Variants in COLGALT2 observed in about 807,000 individuals in gnomAD.
The protein encoded by COLGALT2 is collagen beta(1-O)galactosyltransferase 2, also known as procollagen galactosyltransferase 2.
In COLGALT2, 49 loss-of-function variants were observed where a neutral mutation model predicts 73.4. The observed-to-expected ratio is 0.67, with a 90% CI of 0.53 to 0.85. COLGALT2 has a LOEUF of 0.85. Ranked by LOEUF, COLGALT2 falls within the 40% of genes least tolerant of loss-of-function variation. COLGALT2 has a pLI of 0.00. For synonymous variants in COLGALT2, 295 were observed against 307.6 expected (o/e 0.96, Z 0.43); for missense variants, 722 against 790.2 (o/e 0.91, Z 1.03).
intron 1 of COLGALT2, among the ~76,000 whole-genome samples, chr1:184,010,518 G>A (rs1672206111): frequency 6.6e-6 from 1 of 152,202 alleles, no homozygotes; most frequent in Non-Finnish European, 1.5e-5. Context: ...AGACATCATG[G>A]TGATTTAGAG....
chr1:183,929,893 G>A (rs1409708766), exon 12 of COLGALT2: 2 of 181,600 alleles, frequency 1.1e-5, no homozygotes, highest in African/African-American at 2.4e-5. Context: ...TTTCTTTCAC[G>A]GGACAGTGTA....
At position 183,945,445 on chromosome 1, in the gene COLGALT2, G is replaced by C; in HGVS notation, c.1256C>G (p.Ser419Ter). The C allele has an allele frequency of 6.2e-7, 1 of 1,614,152 alleles. No homozygotes were observed. Among genetic ancestry groups the C allele is most frequent in the Non-Finnish European group, 8.5e-7 (1 of 1,180,022 alleles). ...AGCATTATTTACCTCTTTCCAGACTGAGTAGTGGCTGAGAAAGCAGCCGAT... is the reference window on the plus strand; with the variant it reads ...AGCATTATTTACCTCTTTCCAGACTCAGTAGTGGCTGAGAAAGCAGCCGAT... Reference protein sequence around the residue: ...GEIGCFLSHYSVWKEVIDREL... With the variant: ...GEIGCFLSHY Residue 419 changes from serine (S) to a stop codon, truncating the protein, a stop_gained, in exon 9 of 12, where the codon TCA becomes TGA. Coordinates refer to ENST00000361927, the MANE Select transcript of COLGALT2 (RefSeq NM_015101.4). LOFTEE classifies it high-confidence loss of function.
chr1:183,961,943 TC>T lies in COLGALT2; in HGVS notation c.952+1957del, dbSNP rs370289096. On this transcript the variant is annotated intron_variant, in intron 6 of 11. Coordinates refer to ENST00000361927, the MANE Select transcript of COLGALT2 (RefSeq NM_015101.4). The stretch of plus-strand genomic sequence containing the variant: ...CACAGTGAACCAGCTCCTTATTTCA[TC>T]ATTTCATCATCATTCATTCAGTCAT... 2.4e-3 allele frequency among the ~76,000 whole-genome samples: 361 copies of T among 152,262 alleles called. 1 individual carries two copies. The highest frequency in any genetic ancestry group is 8.4e-3 in the African/African-American group (347 of 41,542).
At chr1:184,032,474 T>C (rs1267158809) in intron 1 of COLGALT2, among the ~76,000 whole-genome samples, 1 of 152,210 alleles carries the variant, frequency 6.6e-6, no homozygotes. Flanking sequence ...TCTTAGAGGT[T>C]TACTGATGTG....
intron 5 of COLGALT2, among the ~76,000 whole-genome samples, chr1:183,966,887 A>G (rs1670890784): frequency 6.6e-6 from 1 of 152,190 alleles, no homozygotes; most frequent in Non-Finnish European, 1.5e-5. Flanking sequence ...CATCACCCAC[A>G]TGGGGCAATG....
intron 1 of COLGALT2, among the ~76,000 whole-genome samples, chr1:184,000,295 T>C (rs947706699): frequency 1.3e-5 from 2 of 152,148 alleles, no homozygotes; most frequent in East Asian, 1.9e-4. Flanking sequence ...TGGTACTTTT[T>C]TTCAATTTTT....
chr1:183,969,131 A>C, intron 5 of COLGALT2, 138 bp downstream of exon 5: 2 of 649,712 alleles, frequency 3.1e-6, no homozygotes, highest in Non-Finnish European at 4.9e-6. Flanking sequence ...GGGTGCTGGT[A>C]TGGTTATTGC....
chr1:183,975,072 C>A, intron 3 of COLGALT2, 25 bp downstream of exon 3: 1 of 1,508,760 alleles, frequency 6.6e-7, no homozygotes, highest in South Asian at 1.1e-5. Flanking sequence ...TGACAGTTGT[C>A]AAGAAATCAA....
At position 183,940,588 on chromosome 1, in the gene COLGALT2, G is replaced by A. The variant is rs775193430; in HGVS notation, c.1597C>T (p.His533Tyr). Residue 533 changes from histidine to tyrosine, a missense_variant, in exon 11 of 12, where the codon CAT (histidine) becomes TAT (tyrosine). His to Tyr is a moderately conservative substitution (Grantham distance 83). Transcript: ENST00000361927. ...DEFLPVMYNKHPVAEYKEYYE... is the reference protein window; with the variant it reads ...DEFLPVMYNKYPVAEYKEYYE... ...CAGTTCAGGGAGACTCACACGGGATGCTTGTTGTACATGACTGGCAGAAAC... is the reference window on the plus strand; with the variant it reads ...CAGTTCAGGGAGACTCACACGGGATACTTGTTGTACATGACTGGCAGAAAC... 32 of 1,614,058 alleles carry A rather than the reference G, an allele frequency of 2.0e-5. No individual in the cohort carries two copies. Among genetic ancestry groups the A allele is most frequent in the Non-Finnish European group, 2.6e-5 (31 of 1,180,014 alleles).
At chr1:184,016,797 C>A (rs1649016671) in intron 1 of COLGALT2, among the ~76,000 whole-genome samples, 1 of 152,040 alleles carries the variant, frequency 6.6e-6, no homozygotes. Context: ...ATTCAAAACT[C>A]AGAAAAATAT....
At chr1:183,959,395 A>G (rs1670636543) in intron 6 of COLGALT2, among the ~76,000 whole-genome samples, 1 of 152,150 alleles carries the variant, frequency 6.6e-6, no homozygotes, top group South Asian at 2.1e-4. Context: ...AACTTACGTG[A>G]CCAAAACTAG....
At chr1:184,020,355 GA>G (rs1572681996) in intron 1 of COLGALT2, among the ~76,000 whole-genome samples, 1 of 152,092 alleles carries the variant, frequency 6.6e-6, no homozygotes, top group East Asian at 1.9e-4. Context: ...GAATTAAAAT[GA>G]AAAAATACTA....
chr1:183,938,290 G>A lies in COLGALT2; in HGVS notation c.*471C>T. On this transcript the variant is annotated 3_prime_UTR_variant, in exon 12 of 12. Coordinates refer to ENST00000361927, the MANE Select transcript of COLGALT2 (RefSeq NM_015101.4). ...ATAAATATGATTTTAAGTGATTCCT[G>A]TCCCCCAAAAGTTGCACACACAAGT... The A allele has an allele frequency of 1.0e-6, 1 of 959,868 alleles. No individual in the cohort carries two copies. Among genetic ancestry groups the A allele is most frequent in the Non-Finnish European group, 1.2e-6 (1 of 807,684 alleles). The allele number at this position is 959,868 out of a possible 1,614,324, so 59.5% of individuals were successfully genotyped here. A position where few individuals can be genotyped will look rare whatever the true frequency, so the allele number is the denominator to read the frequency against.
intron 1 of COLGALT2, among the ~76,000 whole-genome samples, chr1:184,012,147 AC>A (rs1184650229): frequency 1.3e-5 from 2 of 152,204 alleles, no homozygotes; most frequent in Non-Finnish European, 2.9e-5. Context: ...ATGGTCCACA[AC>A]CCTGCATTTC....
chr1:183,960,836 C>T (rs1425612743), intron 6 of COLGALT2, among the ~76,000 whole-genome samples: 1 of 152,090 alleles, frequency 6.6e-6, no homozygotes, highest in Non-Finnish European at 1.5e-5. Context: ...AATCTTTCTT[C>T]TTCCAGTGTG....
chr1:183,995,420 CA>C (rs2102833785), intron 1 of COLGALT2, among the ~76,000 whole-genome samples: 1 of 152,316 alleles, frequency 6.6e-6, no homozygotes, highest in South Asian at 2.1e-4. Flanking sequence ...TGGAATACAA[CA>C]AACGTGTCAA....
chr1:183,943,779 C>T lies in COLGALT2; in HGVS notation c.1397+417G>A, dbSNP rs1670177127. On this transcript the variant is annotated intron_variant, in intron 10 of 11. Transcript: ENST00000361927. ...TCTCGGAAGCTGCAGAGGCAACCTG[C>T]TGTCCCGGGAGCTGAGTCTTAAATA... Among the ~76,000 whole-genome samples, 4 of 152,330 alleles carry T rather than the reference C, an allele frequency of 2.6e-5. No homozygotes were observed. In the South Asian group the frequency reaches 8.3e-4, roughly 32 times the overall value.
intron 6 of COLGALT2, among the ~76,000 whole-genome samples, chr1:183,959,459 A>G (rs1670637891): frequency 6.6e-6 from 1 of 152,172 alleles, no homozygotes; most frequent in African/African-American, 2.4e-5. Context: ...AGTAAATGGC[A>G]TATCAGGCTA....
At position 183,973,612 on chromosome 1, in the gene COLGALT2, T is replaced by C; in HGVS notation, c.627+4A>G. 1 of 1,613,758 alleles carries C rather than the reference T, an allele frequency of 6.2e-7. No homozygotes were observed. Among genetic ancestry groups the C allele is most frequent in the South Asian group, 1.1e-5 (1 of 90,948 alleles). On this transcript the variant is annotated splice_donor_region_variant and intron_variant, in intron 4 of 11. Coordinates refer to ENST00000361927, the MANE Select transcript of COLGALT2 (RefSeq NM_015101.4). ...GCCTTAATTCATTTAAGCAAAAGACTTGCCTTAGGGGTGATTCCGCACCAG... is the reference window on the plus strand; with the variant it reads ...GCCTTAATTCATTTAAGCAAAAGACCTGCCTTAGGGGTGATTCCGCACCAG...
Sources: allele counts gnomAD v4.1 joint callset (sites outside exome capture counted in the v4.1 genomes callset), GRCh38; gene constraint gnomAD v4.1.1; transcripts MANE v1.5; gene names NCBI Gene and HGNC (gene_info 2026-07-23, HGNC 2026-07-21).